Variants in DPRX observed in about 807,000 individuals in gnomAD.
DPRX encodes divergent-paired related homeobox, also known as divergent paired-related homeobox.
Under a neutral mutation model 8.4 loss-of-function variants are expected in DPRX, and 11 were observed. The observed-to-expected ratio is 1.31, with a 90% CI of 0.82 to 2.17. DPRX has a LOEUF of 2.17. Ranked by LOEUF, DPRX falls within the 30% of genes most tolerant of loss-of-function variation. The probability of loss-of-function intolerance (pLI) is 0.00; values close to 1 mark genes in which losing one functional copy is unlikely to be tolerated. For missense variants in DPRX, 211 were observed against 236.7 expected, an observed-to-expected ratio of 0.89 and a Z score of 0.71; for synonymous variants, 72 against 87.0, an observed-to-expected ratio of 0.83 and a Z score of 0.96.
intron 1 of DPRX, among the ~76,000 whole-genome samples, chr19:53,633,568 G>C (rs1342520506): frequency 6.6e-6 from 1 of 152,004 alleles, no homozygotes; most frequent in African/African-American, 2.4e-5. Flanking sequence ...GGAGTGCAGT[G>C]GCATAATCTC....
the DPRX span, chr19:53,603,438 C>G: frequency 2.2e-6 from 1 of 456,198 alleles, no homozygotes. Flanking sequence ...CGCCGGAGTG[C>G]TGGACGCTTC....
At chr19:53,614,002 A>G in the DPRX span, among the ~76,000 whole-genome samples, 1 of 150,718 alleles carries the variant, frequency 6.6e-6, no homozygotes. Flanking sequence ...CCCAGGCTGG[A>G]GTGCAGTGGC....
the DPRX span, among the ~76,000 whole-genome samples, chr19:53,613,243 C>T: frequency 6.6e-6 from 1 of 152,080 alleles, no homozygotes; most frequent in East Asian, 1.9e-4. Flanking sequence ...TTCAAAGCGC[C>T]TGTCAAACTC....
the DPRX span, among the ~76,000 whole-genome samples, chr19:53,618,074 G>A: frequency 7.3e-3 from 1,102 of 151,416 alleles, 14 homozygotes; most frequent in African/African-American, 0.026. Context: ...CCTGGGAGGC[G>A]GAGGCTGCAG....
the DPRX span, chr19:53,617,002 G>C: frequency 8.8e-7 from 1 of 1,130,920 alleles, no homozygotes; most frequent in African/African-American, 1.5e-5. Context: ...TGATGAACAA[G>C]GGCATCAGAG....
At chr19:53,613,331 C>T in the DPRX span, among the ~76,000 whole-genome samples, 1 of 151,932 alleles carries the variant, frequency 6.6e-6, no homozygotes, top group Non-Finnish European at 1.5e-5. Context: ...GGTCACTGCA[C>T]GTTGTCACGT....
At chr19:53,632,220 C>T (rs143625301) in intron 1 of DPRX, 86 bp downstream of exon 1, 49 of 1,590,200 alleles carry the variant, frequency 3.1e-5, no homozygotes, top group Admixed American at 6.7e-5. Context: ...AGGGACCAGG[C>T]GGCCGAAGCT....
the DPRX span, among the ~76,000 whole-genome samples, chr19:53,610,210 C>T: frequency 6.7e-5 from 10 of 148,844 alleles, no homozygotes; most frequent in Non-Finnish European, 1.5e-4. Flanking sequence ...ATCCCAGCTA[C>T]TCAGGAGGCT....
the DPRX span, among the ~76,000 whole-genome samples, chr19:53,621,752 C>T: frequency 6.6e-6 from 1 of 151,972 alleles, no homozygotes. Flanking sequence ...CCACTGCACT[C>T]CACCCTGGGA....
chr19:53,633,473 A>C (rs1437961988), intron 1 of DPRX, among the ~76,000 whole-genome samples: 1 of 152,118 alleles, frequency 6.6e-6, no homozygotes, highest in Admixed American at 6.6e-5. Context: ...CCAAGAGGTA[A>C]GGCACAAGCG....
the DPRX span, among the ~76,000 whole-genome samples, chr19:53,623,965 T>G: frequency 9.2e-6 from 1 of 109,186 alleles, no homozygotes; most frequent in South Asian, 2.6e-4. Context: ...AATAAATAAA[T>G]AAATAAATAA....
intron 2 of DPRX, 34 bp from the exon 3 acceptor site, chr19:53,636,562 T>C (rs1164341596): frequency 2.1e-6 from 3 of 1,427,210 alleles, no homozygotes; most frequent in Non-Finnish European, 2.8e-6. Flanking sequence ...GTCATCTGAA[T>C]TCCACCCCAT....
chr19:53,616,993 G>A, the DPRX span: 16 of 1,146,474 alleles, frequency 1.4e-5, no homozygotes, highest in Non-Finnish European at 2.0e-5. Flanking sequence ...CTCTATGACT[G>A]ATGAACAAGG....
At chr19:53,612,702 G>A in the DPRX span, among the ~76,000 whole-genome samples, 1 of 151,788 alleles carries the variant, frequency 6.6e-6, no homozygotes, top group South Asian at 2.1e-4. Flanking sequence ...GTGAGACTCG[G>A]TCTCAAAAAG....
At chr19:53,609,494 A>AC in the DPRX span, among the ~76,000 whole-genome samples, 1 of 111,482 alleles carries the variant, frequency 9.0e-6, no homozygotes, top group Non-Finnish European at 1.9e-5. Context: ...AAAAAAAAAA[A>AC]AAACAACCAA....
the DPRX span, among the ~76,000 whole-genome samples, chr19:53,610,606 C>T: frequency 6.8e-6 from 1 of 146,710 alleles, no homozygotes; most frequent in Non-Finnish European, 1.5e-5. Context: ...CTGCCGGGGG[C>T]AGGTGCAAGG....
the DPRX span, among the ~76,000 whole-genome samples, chr19:53,613,715 A>G: frequency 6.6e-6 from 1 of 151,686 alleles, no homozygotes. Context: ...AGTGTACTCC[A>G]CAACCCCAAA....
chr19:53,607,581 G>C, the DPRX span, among the ~76,000 whole-genome samples: 1 of 151,644 alleles, frequency 6.6e-6, no homozygotes, highest in African/African-American at 2.4e-5. Flanking sequence ...GGAGCAGTGA[G>C]TGGTTCACAC....
At chr19:53,631,110 G>T (rs1046721557), upstream of DPRX, among the ~76,000 whole-genome samples, 2 of 151,776 alleles carry the variant, frequency 1.3e-5, no homozygotes, top group Non-Finnish European at 2.9e-5. Flanking sequence ...GCCTCCCAAA[G>T]TGCTGGGATT....
Sources: allele counts gnomAD v4.1 joint callset (sites outside exome capture counted in the v4.1 genomes callset), GRCh38; gene constraint gnomAD v4.1.1; transcripts MANE v1.5; gene names NCBI Gene and HGNC (gene_info 2026-07-23, HGNC 2026-07-21).